The following POT1 variants were observed in gnomAD, a reference collection of about 807,000 sequenced individuals.
POT1 encodes protection of telomeres 1, also known as protection of telomeres protein 1.
In POT1, 47 loss-of-function variants were observed where a neutral mutation model predicts 78.5. The ratio of observed to expected loss-of-function variants is 0.60; its 90% CI spans 0.47 to 0.76. The LOEUF (loss-of-function observed/expected upper bound fraction) is 0.76. Ranked by LOEUF, POT1 falls within the 30% of genes least tolerant of loss-of-function variation. The probability of loss-of-function intolerance (pLI) is 0.00; values close to 1 mark genes in which losing one functional copy is unlikely to be tolerated. For missense variants in POT1, 646 were observed against 749.9 expected, an observed-to-expected ratio of 0.86 and a Z score of 1.62; for synonymous variants, 259 against 260.7, an observed-to-expected ratio of 0.99 and a Z score of 0.06.
chr7:124,898,980 C>T (rs544014194), intron 3 of POT1, among the ~76,000 whole-genome samples: 1 of 152,268 alleles, frequency 6.6e-6, no homozygotes, highest in Non-Finnish European at 1.5e-5. Context: ...AAGAGTTTTG[C>T]ATTGCTGCAT....
chr7:124,919,513 T>A (rs1430885809), intron 2 of POT1, among the ~76,000 whole-genome samples: 1 of 152,120 alleles, frequency 6.6e-6, no homozygotes, highest in African/African-American at 2.4e-5. Context: ...ATAGGTAGTT[T>A]GGTTAAAAAG....
At chr7:124,840,031 A>T (rs1339881223) in intron 14 of POT1, among the ~76,000 whole-genome samples, 1 of 150,730 alleles carries the variant, frequency 6.6e-6, no homozygotes. Flanking sequence ...TTTTAGGTTC[A>T]CAGCAAAATT....
intron 1 of POT1, chr7:124,929,574 C>G (rs1045554254): frequency 2.6e-5 from 4 of 152,208 alleles, no homozygotes; most frequent in African/African-American, 9.7e-5. Flanking sequence ...CCCAAGCCAC[C>G]TGAGCTCTGT....
intron 15 of POT1, among the ~76,000 whole-genome samples, chr7:124,829,726 C>CTATATCTATATCTATATCTA (rs1302418358): frequency 2.0e-5 from 3 of 149,992 alleles, no homozygotes; most frequent in African/African-American, 7.4e-5. Flanking sequence ...ATATCTATAT[C>CTATATCTATATCTATATCTA]TATATATATA....
intron 7 of POT1, among the ~76,000 whole-genome samples, chr7:124,870,196 G>T (rs1795833585): frequency 6.6e-6 from 1 of 152,116 alleles, no homozygotes; most frequent in Non-Finnish European, 1.5e-5. Flanking sequence ...AAAGCATCAT[G>T]TAGTAATTTC....
intron 11 of POT1, among the ~76,000 whole-genome samples, chr7:124,851,522 AT>A (rs1422719059): frequency 6.6e-6 from 1 of 152,232 alleles, no homozygotes; most frequent in Non-Finnish European, 1.5e-5. Flanking sequence ...AGCAAAAAGT[AT>A]TTGGGTTATG....
intron 7 of POT1, among the ~76,000 whole-genome samples, chr7:124,868,077 T>G (rs1168987705): frequency 6.6e-6 from 1 of 151,976 alleles, no homozygotes; most frequent in African/African-American, 2.4e-5. Context: ...AAAAGAAGAG[T>G]AGATCTTGAC....
rs563888084 is a variant in POT1, at chr7:124,885,488, C to T, written c.124+6778G>A. The stretch of plus-strand genomic sequence containing the variant: ...CCCTGTCTCTCTTAAAAAAATAGGC[C>T]GGGTGTGGTGGCTCAAGCCTGTAAT... On this transcript the variant is annotated intron_variant, in intron 6 of 18. Coordinates refer to ENST00000357628, the MANE Select transcript of POT1 (RefSeq NM_015450.3). 3.1e-3 allele frequency among the ~76,000 whole-genome samples: 470 copies of T among 150,396 alleles called. 2 individuals carry two copies. Among genetic ancestry groups the T allele is most frequent in the South Asian group, 0.013 (61 of 4,708 alleles).
intron 6 of POT1, among the ~76,000 whole-genome samples, chr7:124,877,561 T>C (rs1173929860): frequency 1.3e-5 from 2 of 150,288 alleles, no homozygotes; most frequent in Admixed American, 1.3e-4. Flanking sequence ...AATCAACCGG[T>C]CGTGGGGGCT....
chr7:124,872,487 T>C (rs944273814), intron 6 of POT1, among the ~76,000 whole-genome samples: 2 of 152,210 alleles, frequency 1.3e-5, no homozygotes, highest in Non-Finnish European at 2.9e-5. Flanking sequence ...CCTGCCTGTT[T>C]GTCACTTAGT....
intron 2 of POT1, among the ~76,000 whole-genome samples, chr7:124,921,826 A>G (rs1797157688): frequency 6.6e-6 from 1 of 152,120 alleles, no homozygotes; most frequent in Non-Finnish European, 1.5e-5. Context: ...ATACACACGT[A>G]ATTGGCATCC....
rs565112629 is a variant in POT1 at position 124,883,180 on chromosome 7, C to T, written c.124+9086G>A. On this transcript the variant is annotated intron_variant, in intron 6 of 18. Coordinates refer to ENST00000357628, the MANE Select transcript of POT1 (RefSeq NM_015450.3). Reference sequence around the variant, plus strand: ...GAGAAATGGAAAACTCAGTGTCTGTCTGATCCACCAACTCCATTCATTGTA... The same window carrying T: ...GAGAAATGGAAAACTCAGTGTCTGTTTGATCCACCAACTCCATTCATTGTA... Among the ~76,000 whole-genome samples the T allele has an allele frequency of 7.4e-4, 113 of 152,178 alleles. 1 individual carries two copies. The highest frequency in any genetic ancestry group is 2.6e-3 in the African/African-American group (109 of 41,554).
chr7:124,869,094 G>A (rs866361863), intron 7 of POT1, among the ~76,000 whole-genome samples: 21 of 152,026 alleles, frequency 1.4e-4, no homozygotes, highest in Non-Finnish European at 2.2e-4. Context: ...TGATAATACC[G>A]CATCTTTACA....
intron 6 of POT1, among the ~76,000 whole-genome samples, chr7:124,876,249 A>G (rs954923568): frequency 1.3e-5 from 2 of 152,234 alleles, no homozygotes; most frequent in South Asian, 2.1e-4. Context: ...CTATGTTTAT[A>G]TCCTTTTTAT....
At chr7:124,884,421 G>A (rs1371147108) in intron 6 of POT1, among the ~76,000 whole-genome samples, 3 of 152,132 alleles carry the variant, frequency 2.0e-5, no homozygotes, top group Non-Finnish European at 2.9e-5. Context: ...AAGAGAGAAA[G>A]ATCTGCTTCT....
intron 6 of POT1, among the ~76,000 whole-genome samples, chr7:124,888,988 TGA>T (rs1796308055): frequency 1.3e-5 from 2 of 151,942 alleles, no homozygotes; most frequent in South Asian, 2.1e-4. Flanking sequence ...AGTGTTCAAG[TGA>T]GAGAGTCACA....
chr7:124,914,003 T>C (rs12538083), intron 3 of POT1, among the ~76,000 whole-genome samples: 91,156 of 151,564 alleles, frequency 0.6, 27,545 homozygotes, highest in African/African-American at 0.65. Context: ...GACATGGTGG[T>C]ACGCGTCTGT....
chr7:124,896,855 A>T (rs1169603827), intron 5 of POT1, among the ~76,000 whole-genome samples: 1 of 151,742 alleles, frequency 6.6e-6, no homozygotes, highest in Non-Finnish European at 1.5e-5. Context: ...CCTATGGTTT[A>T]TAACAAAAAT....
At chr7:124,862,176 G>A (rs1302883045) in intron 8 of POT1, among the ~76,000 whole-genome samples, 3 of 152,118 alleles carry the variant, frequency 2.0e-5, no homozygotes, top group African/African-American at 7.2e-5. Context: ...CTGTTACAAT[G>A]GGATGCAGGT....
Sources: allele counts gnomAD v4.1 joint callset (sites outside exome capture counted in the v4.1 genomes callset), GRCh38; gene constraint gnomAD v4.1.1; transcripts MANE v1.5; gene names NCBI Gene and HGNC (gene_info 2026-07-23, HGNC 2026-07-21).